Variants in GSAP observed in about 807,000 individuals in gnomAD.
The protein encoded by GSAP is gamma-secretase-activating protein.
In GSAP, 118 loss-of-function variants were observed where a neutral mutation model predicts 131.7. The observed-to-expected ratio is 0.90, with a 90% confidence interval of 0.77 to 1.04. The LOEUF (loss-of-function observed/expected upper bound fraction) is 1.04. GSAP is among the 50% of genes least tolerant of loss of function. The pLI is 0.00. For synonymous variants in GSAP, 381 were observed against 363.4 expected, an observed-to-expected ratio of 1.05 and a Z score of -0.55; for missense variants, 1,019 against 1,013.2, an observed-to-expected ratio of 1.01 and a Z score of -0.08.
intron 5 of GSAP, among the ~76,000 whole-genome samples, chr7:77,392,306 G>T (rs1252368002): frequency 2.0e-5 from 3 of 151,428 alleles, no homozygotes; most frequent in Non-Finnish European, 2.9e-5. Flanking sequence ...CTAACATATT[G>T]GGTGGCTGAG....
At chr7:77,375,779 G>A (rs1204850593) in intron 10 of GSAP, among the ~76,000 whole-genome samples, 1 of 151,246 alleles carries the variant, frequency 6.6e-6, no homozygotes, top group Non-Finnish European at 1.5e-5. Flanking sequence ...AGGAGGCAGA[G>A]GTTGCAGTGA....
chr7:77,386,238 C>G (rs183555901), intron 6 of GSAP, among the ~76,000 whole-genome samples: 45 of 152,268 alleles, frequency 3.0e-4, no homozygotes, highest in African/African-American at 9.9e-4. Flanking sequence ...AGAAGCAAAA[C>G]ACAAAAGAAC....
rs190430657 is a variant in GSAP at position 77,349,277 on chromosome 7, A to G, written c.1545+74T>C. On this transcript the variant is annotated intron_variant, in intron 19 of 30. Transcript: ENST00000257626. ...CCTGCCAATTTGCAATCCCTTTTGG[A>G]ACCACCATAATACTCAGGCAGCAGA... 41 of 1,210,256 alleles carry G rather than the reference A, an allele frequency of 3.4e-5. No individual in the cohort carries two copies. The East Asian group carries it at 9.1e-4, about 27-fold the overall frequency. 75.0% of individuals were successfully genotyped at this position (1,210,256 alleles called of 1,614,324 possible). A position where few individuals can be genotyped will look rare whatever the true frequency, so the allele number is the denominator to read the frequency against.
rs71531149 is a variant in GSAP, at chr7:77,390,946, T to TTAAAAA, written c.368-3499_368-3498insTTTTTA. Among the ~76,000 whole-genome samples, 27 of 37,942 alleles carry TTAAAAA rather than the reference T, an allele frequency of 7.1e-4. 2 individuals are homozygous for TTAAAAA. The highest frequency in any genetic ancestry group is 2.0e-3 in the African/African-American group (21 of 10,292). 24.9% of individuals were successfully genotyped at this position (37,942 alleles called of 152,430 possible). A position where few individuals can be genotyped will look rare whatever the true frequency, so the allele number is the denominator to read the frequency against. ...CCTGGTGACAGAGCGAGACTCCGTC[T>TTAAAAA]AAAAAAAAAAAAAAAAAAAAAAAAA... On this transcript the variant is annotated intron_variant, in intron 5 of 30. Transcript: ENST00000257626.
chr7:77,357,247 T>G (rs1202593227), intron 14 of GSAP, among the ~76,000 whole-genome samples: 4 of 152,178 alleles, frequency 2.6e-5, no homozygotes, highest in African/African-American at 9.7e-5. Context: ...CAGGGAATTT[T>G]TGTCTCACCA....
chr7:77,374,962 C>A, intron 11 of GSAP, 96 bp downstream of exon 11: 1 of 588,108 alleles, frequency 1.7e-6, no homozygotes, highest in Non-Finnish European at 3.0e-6. Flanking sequence ...GAATATCAAA[C>A]TCTCTTTTTA....
chr7:77,329,918 T>G (rs912402187), intron 20 of GSAP: 1 of 181,930 alleles, frequency 5.5e-6, no homozygotes, highest in African/African-American at 2.4e-5. Flanking sequence ...ACCACTAAGT[T>G]GGGAACACCT....
At chr7:77,372,180 T>C (rs1796225673) in intron 12 of GSAP, among the ~76,000 whole-genome samples, 1 of 152,206 alleles carries the variant, frequency 6.6e-6, no homozygotes, top group Non-Finnish European at 1.5e-5. Flanking sequence ...AAGTAAACAA[T>C]TGGATAAATC....
intron 1 of GSAP, among the ~76,000 whole-genome samples, chr7:77,415,198 A>G (rs1021413097): frequency 2.0e-5 from 3 of 152,224 alleles, no homozygotes; most frequent in Admixed American, 6.5e-5. Context: ...CGCTATAGTC[A>G]TAGGAGAGTG....
chr7:77,363,707 A>G (rs140091937), intron 12 of GSAP, among the ~76,000 whole-genome samples: 1 of 152,264 alleles, frequency 6.6e-6, no homozygotes, highest in Non-Finnish European at 1.5e-5. Context: ...ACTGCAAAGT[A>G]TTGTCAGCAG....
At chr7:77,329,615 A>G (rs1788790789) in intron 20 of GSAP, 1 of 303,708 alleles carries the variant, frequency 3.3e-6, no homozygotes, top group Non-Finnish European at 6.1e-6. Context: ...ACACACAACA[A>G]CACTAATCTA....
At chr7:77,334,839 C>T (rs1789725521) in intron 19 of GSAP, among the ~76,000 whole-genome samples, 1 of 151,912 alleles carries the variant, frequency 6.6e-6, no homozygotes, top group African/African-American at 2.4e-5. Flanking sequence ...AATCCCAGCA[C>T]TTTGGGAGAC....
At chr7:77,366,856 G>C (rs1194776962) in intron 12 of GSAP, among the ~76,000 whole-genome samples, 5 of 152,158 alleles carry the variant, frequency 3.3e-5, no homozygotes, top group Non-Finnish European at 7.4e-5. Context: ...TCCTATCCAT[G>C]AGCATGTTTT....
At chr7:77,359,651 A>C (rs1226598284) in intron 14 of GSAP, among the ~76,000 whole-genome samples, 1 of 152,224 alleles carries the variant, frequency 6.6e-6, no homozygotes, top group Non-Finnish European at 1.5e-5. Flanking sequence ...GAAAGACAAC[A>C]TGTTTAAGAT....
intron 19 of GSAP, among the ~76,000 whole-genome samples, chr7:77,346,997 A>G (rs1792011192): frequency 1.4e-5 from 2 of 147,306 alleles, no homozygotes; most frequent in African/African-American, 5.1e-5. Flanking sequence ...CTCCCCTAAG[A>G]GGGTCCTGCC....
intron 19 of GSAP, among the ~76,000 whole-genome samples, chr7:77,348,057 C>T (rs1227788229): frequency 5.3e-5 from 8 of 151,424 alleles, no homozygotes; most frequent in Non-Finnish European, 1.0e-4. Context: ...TAGTACCAAC[C>T]ACTCAGGAGG....
At position 77,323,756 on chromosome 7, in the gene GSAP, A is replaced by G; in HGVS notation, c.1828-14T>C. 2.3e-6 allele frequency: 3 copies of G among 1,327,598 alleles called. No homozygotes were observed. Among genetic ancestry groups the G allele is most frequent in the Non-Finnish European group, 3.2e-6 (3 of 927,980 alleles). 82.2% of individuals were successfully genotyped at this position (1,327,598 alleles called of 1,614,324 possible). A position where few individuals can be genotyped will look rare whatever the true frequency, so the allele number is the denominator to read the frequency against. ...CTCAGACACCATCTGAAAACAGGAT[A>G]TGCATTAAATAAGTCACAGCCTACC... is the stretch of plus-strand genomic sequence containing the variant. On this transcript the variant is annotated splice_polypyrimidine_tract_variant and intron_variant, in intron 23 of 30. Coordinates refer to ENST00000257626, the MANE Select transcript of GSAP (RefSeq NM_017439.4).
At chr7:77,345,331 G>A (rs1021659552) in intron 19 of GSAP, among the ~76,000 whole-genome samples, 1 of 152,034 alleles carries the variant, frequency 6.6e-6, no homozygotes, top group East Asian at 1.9e-4. Flanking sequence ...AATCCTGCTC[G>A]AAGCAGCCCT....
At chr7:77,333,498 C>T (rs1789472859) in intron 19 of GSAP, among the ~76,000 whole-genome samples, 1 of 152,138 alleles carries the variant, frequency 6.6e-6, no homozygotes, top group Admixed American at 6.5e-5. Context: ...ATGCCTGAGC[C>T]TTATGAGTTT....
Sources: allele counts gnomAD v4.1 joint callset (sites outside exome capture counted in the v4.1 genomes callset), GRCh38; gene constraint gnomAD v4.1.1; transcripts MANE v1.5; gene names NCBI Gene and HGNC (gene_info 2026-07-23, HGNC 2026-07-21).